LRRK1: variants seen among roughly 807,000 people sequenced by gnomAD.
LRRK1 encodes the protein leucine rich repeat kinase 1.
A neutral mutation model predicts 209.1 loss-of-function variants in LRRK1; 113 were observed. The observed-to-expected ratio is 0.54, with a 90% CI of 0.46 to 0.63. The LOEUF is 0.63. Ranked by LOEUF, LRRK1 falls within the 30% of genes least tolerant of loss-of-function variation. The probability of loss-of-function intolerance (pLI) is 0.00; values close to 1 mark genes in which losing one functional copy is unlikely to be tolerated. For missense variants in LRRK1, 2,284 were observed against 2,632.2 expected, an observed-to-expected ratio of 0.87 and a Z score of 2.89; for synonymous variants, 1,144 against 1,099.7, an observed-to-expected ratio of 1.04 and a Z score of -0.80.
intron 2 of LRRK1, among the ~76,000 whole-genome samples, chr15:100,943,450 C>T (rs1004730534): frequency 6.6e-6 from 1 of 152,120 alleles, no homozygotes; most frequent in African/African-American, 2.4e-5. Context: ...TTCTCACTTT[C>T]TCCCCCAAAT....
At position 101,022,382 on chromosome 15, in the gene LRRK1, G is replaced by A. The variant is rs1231947739; in HGVS notation, c.1853-1G>A. 6.2e-7 allele frequency: 1 copy of A among 1,614,032 alleles called. No homozygotes were observed. Among genetic ancestry groups the A allele is most frequent in the Admixed American group, 1.7e-5 (1 of 60,022 alleles). On this transcript the variant is annotated splice_acceptor_variant, in intron 14 of 33. Transcript: ENST00000388948. LOFTEE classifies it high-confidence loss of function. This position sits in a 1 kb window ranked among gnomAD's most constrained non-coding sequence, Gnocchi z 4.0. Reference sequence around the variant, plus strand: ...CCCTTCCCCTTAATGATTTTGCACAGGCCCCAAAGCAATGCTGTCTTACCT... The same window carrying A: ...CCCTTCCCCTTAATGATTTTGCACAAGCCCCAAAGCAATGCTGTCTTACCT...
chr15:100,950,487 A>G (rs2042623335), intron 2 of LRRK1, among the ~76,000 whole-genome samples: 1 of 152,250 alleles, frequency 6.6e-6, no homozygotes, highest in African/African-American at 2.4e-5. Flanking sequence ...AAATGGCAAG[A>G]TGATTCTAAT....
intron 6 of LRRK1, among the ~76,000 whole-genome samples, chr15:100,993,623 A>C (rs2032266115): frequency 6.6e-6 from 1 of 152,088 alleles, no homozygotes; most frequent in African/African-American, 2.4e-5. Context: ...ACCTTGGATA[A>C]GTTTTCCCAG....
At position 101,027,119 on chromosome 15, in the gene LRRK1, C is replaced by A; in HGVS notation, c.2406-142C>A. On this transcript the variant is annotated intron_variant, in intron 17 of 33. Coordinates refer to ENST00000388948, the MANE Select transcript of LRRK1 (RefSeq NM_024652.6). The surrounding 1 kb of genome is among the most constrained non-coding windows in gnomAD (Gnocchi z 5.1). ...GCACAGTGATTTGCACAAAGCAAGG[C>A]CTCAATAAACTTCTTGTGTTGTCTT... The A allele has an allele frequency of 4.1e-6, 4 of 981,892 alleles. No homozygotes were observed. Among genetic ancestry groups the A allele is most frequent in the South Asian group, 1.6e-5 (1 of 60,928 alleles). 60.8% of individuals were successfully genotyped at this position (981,892 alleles called of 1,614,324 possible).
At chr15:100,967,213 G>C (rs950046736) in intron 2 of LRRK1, among the ~76,000 whole-genome samples, 4 of 152,166 alleles carry the variant, frequency 2.6e-5, no homozygotes, top group Non-Finnish European at 5.9e-5. Flanking sequence ...AATAATTAAT[G>C]GTGACTGTTA....
chr15:101,003,071 C>G (rs1016388186), intron 6 of LRRK1, among the ~76,000 whole-genome samples: 3 of 152,190 alleles, frequency 2.0e-5, no homozygotes, highest in African/African-American at 7.2e-5. Flanking sequence ...TCTAGTTTCT[C>G]TCTGCCACTT....
chr15:101,002,885 C>G (rs1206611799), intron 6 of LRRK1, among the ~76,000 whole-genome samples: 1 of 152,174 alleles, frequency 6.6e-6, no homozygotes, highest in African/African-American at 2.4e-5. Flanking sequence ...TGTGCACCAC[C>G]ACACCTGGTT....
chr15:100,968,763 T>C (rs116104313), intron 2 of LRRK1, among the ~76,000 whole-genome samples: 7,631 of 147,770 alleles, frequency 0.052, 305 homozygotes, highest in African/African-American at 0.11. Flanking sequence ...TTTCCTTCCT[T>C]CCCTTCCCCT....
intron 20 of LRRK1, among the ~76,000 whole-genome samples, chr15:101,037,928 A>G (rs138563537): frequency 1.3e-5 from 2 of 152,380 alleles, no homozygotes; most frequent in East Asian, 3.9e-4. Flanking sequence ...ACACATGTTT[A>G]TAACAGCACA....
At chr15:101,012,547 A>G (rs532524498) in intron 10 of LRRK1, among the ~76,000 whole-genome samples, 1 of 152,284 alleles carries the variant, frequency 6.6e-6, no homozygotes, top group East Asian at 1.9e-4. Flanking sequence ...CAGGCCGTGG[A>G]TCACACTCAT....
intron 10 of LRRK1, among the ~76,000 whole-genome samples, chr15:101,013,158 G>C (rs2033355262): frequency 6.6e-6 from 1 of 152,184 alleles, no homozygotes; most frequent in Non-Finnish European, 1.5e-5. Context: ...AGGGGTGGGT[G>C]GGTATGTGGG....
chr15:101,054,708 AG>A (rs2035691212), intron 26 of LRRK1, among the ~76,000 whole-genome samples: 1 of 152,150 alleles, frequency 6.6e-6, no homozygotes, highest in African/African-American at 2.4e-5. Flanking sequence ...TCAACTTGGG[AG>A]GCTGAGGCAG....
Position 101,057,138 on chromosome 15 carries a change from A to C in LRRK1, c.4527+88A>C, listed in dbSNP as rs2035857658. On this transcript the variant is annotated intron_variant, in intron 28 of 33. Coordinates refer to ENST00000388948, the MANE Select transcript of LRRK1 (RefSeq NM_024652.6). Reference sequence around the variant, plus strand: ...CCAGGGGGTGTGTGCCTGGCTGCCCAACCATCACCATTGGCAACCCTTCTC... The same window carrying C: ...CCAGGGGGTGTGTGCCTGGCTGCCCCACCATCACCATTGGCAACCCTTCTC... 3.4e-6 allele frequency: 4 copies of C among 1,179,524 alleles called. No homozygotes were observed. In the African/African-American group the frequency reaches 4.7e-5, roughly 14 times the overall value. The allele number at this position is 1,179,524 out of a possible 1,614,324, so 73.1% of individuals were successfully genotyped here. A position where few individuals can be genotyped will look rare whatever the true frequency, so the allele number is the denominator to read the frequency against.
intron 6 of LRRK1, among the ~76,000 whole-genome samples, chr15:100,992,303 G>A (rs2032190311): frequency 6.6e-6 from 1 of 152,078 alleles, no homozygotes; most frequent in Admixed American, 6.5e-5. Flanking sequence ...GAAGTCATTT[G>A]TCAATTCACA....
rs770384623 is a variant in LRRK1, at chr15:101,010,454, C to G, written c.994C>G (p.Leu332Val). 1.2e-5 allele frequency: 20 copies of G among 1,610,454 alleles called. No individual in the cohort carries two copies. The highest frequency in any genetic ancestry group is 1.6e-5 in the Non-Finnish European group (19 of 1,179,110). ...CTTCCTTCTTCTCCATCGCAGGCTACTTGAAATTGACATTTCCAGCAACAA... is the reference window on the plus strand; with the variant it reads ...CTTCCTTCTTCTCCATCGCAGGCTAGTTGAAATTGACATTTCCAGCAACAA... Reference protein sequence around the residue: ...SSDEIICSRLLEIDISSNKLS... With the variant: ...SSDEIICSRLVEIDISSNKLS... The change falls in exon 8 of 34, where the codon CTT (leucine) becomes GTT (valine). Residue 332 changes from leucine to valine, a missense_variant. Leu to Val is a conservative substitution (Grantham distance 32). Around this residue, in one of 6 missense-constraint regions of LRRK1, gnomAD observed 494 missense variants for 522.1 expected, o/e 0.95. Coordinates refer to ENST00000388948, the MANE Select transcript of LRRK1 (RefSeq NM_024652.6).
rs758613285 is a variant in LRRK1 at position 101,062,651 on chromosome 15, T to A, written c.4875T>A (p.Ala1625=). The A allele has an allele frequency of 6.2e-7, 1 of 1,614,194 alleles. No individual in the cohort carries two copies. Among genetic ancestry groups the A allele is most frequent in the South Asian group, 1.1e-5 (1 of 91,086 alleles). ...CCCAACAGGCCTTGGATACTCCAGC[T>A]GTCGTCACCTGCTTCTTGGCCGTGC... ...NTPQQALDTP[A]VVTCFLAVPV... The change falls in exon 31 of 34, where the codon GCT becomes GCA. Residue 1625 remains alanine, a synonymous_variant. Transcript: ENST00000388948.
At chr15:101,012,282 C>G in intron 10 of LRRK1, 137 bp downstream of exon 10, 1 of 830,300 alleles carries the variant, frequency 1.2e-6, no homozygotes, top group Non-Finnish European at 1.9e-6. Flanking sequence ...GTTCAGCTAT[C>G]AAAAATATGC....
chr15:101,049,930 TC>T, intron 23 of LRRK1, 147 bp downstream of exon 23: 1 of 834,732 alleles, frequency 1.2e-6, no homozygotes, highest in Non-Finnish European at 1.8e-6. Flanking sequence ...TTGGTGGGAG[TC>T]CTGGCCCCCG....
intron 2 of LRRK1, among the ~76,000 whole-genome samples, chr15:100,970,108 T>A (rs1341403890): frequency 1.3e-5 from 2 of 152,320 alleles, no homozygotes; most frequent in African/African-American, 4.8e-5. Context: ...CTGGCTGGTC[T>A]CGTACTCCTG....
Sources: allele counts gnomAD v4.1 joint callset (sites outside exome capture counted in the v4.1 genomes callset), GRCh38; gene constraint gnomAD v4.1.1; regional missense constraint gnomAD v4.1.1; non-coding constraint Gnocchi (gnomAD v3.1); transcripts MANE v1.5; gene names NCBI Gene and HGNC (gene_info 2026-07-23, HGNC 2026-07-21).